The following RLN2 variants were observed in gnomAD, a reference collection of about 807,000 sequenced individuals.
The protein encoded by RLN2 is prorelaxin H2.
A neutral mutation model predicts 7.3 loss-of-function variants in RLN2; 10 were observed. The observed-to-expected ratio is 1.36, with a 90% CI of 0.84 to 2.31. RLN2 has a LOEUF of 2.31. Ranked by LOEUF, RLN2 falls within the 30% of genes most tolerant of loss-of-function variation. The pLI, the probability that RLN2 is intolerant of heterozygous loss-of-function variation, is 0.00. For missense variants in RLN2, 298 were observed against 217.6 expected, an observed-to-expected ratio of 1.37 and a Z score of -2.32; for synonymous variants, 103 against 82.3, an observed-to-expected ratio of 1.25 and a Z score of -1.36.
At chr9:5,301,353 T>C (rs917712881) in intron 1 of RLN2, among the ~76,000 whole-genome samples, 1 of 152,186 alleles carries the variant, frequency 6.6e-6, no homozygotes, top group Non-Finnish European at 1.5e-5. Context: ...TTCAGCTCAG[T>C]TGAACATTCA....
At position 5,300,354 on chromosome 9, in the gene RLN2, G is replaced by T. The variant is rs142508708; in HGVS notation, c.302C>A (p.Thr101Asn). ...TAATGCTGGCTGCATCTCAGACAGGGTTAACTTCAGCTCCTGTGGCAAATT... is the reference window on the plus strand; with the variant it reads ...TAATGCTGGCTGCATCTCAGACAGGTTTAACTTCAGCTCCTGTGGCAAATT... ...VANLPQELKL[T>N]LSEMQPALPQ... Residue 101 changes from threonine (T) to asparagine (N), a missense_variant, in exon 2 of 2, where the codon ACC becomes AAC. Thr to Asn is a moderately conservative substitution (Grantham distance 65). Transcript: ENST00000381627. The T allele has an allele frequency of 3.6e-4, 577 of 1,613,788 alleles. 3 individuals are homozygous for T. The East Asian group carries it at 9.7e-3, about 27-fold the overall frequency.
chr9:5,324,254 CAGAT>C, the RLN2 span, among the ~76,000 whole-genome samples: 25 of 152,074 alleles, frequency 1.6e-4, no homozygotes, highest in South Asian at 2.1e-4. Context: ...TATATAATCA[CAGAT>C]AGATTTTCCA....
chr9:5,300,235 C>A lies in RLN2; in HGVS notation c.421G>T (p.Ala141Ser), dbSNP rs61738985. The A allele has an allele frequency of 1.7e-5, 27 of 1,613,718 alleles. No homozygotes were observed. Among genetic ancestry groups the A allele is most frequent in the African/African-American group, 5.3e-5 (4 of 74,916 alleles). Residue 141 changes from alanine to serine, a missense_variant, in exon 2 of 2, where the codon GCA becomes TCA. Ala to Ser is a moderately conservative substitution (Grantham distance 99). Coordinates refer to ENST00000381627, the MANE Select transcript of RLN2 (RefSeq NM_134441.3). ...KLIRNRQSEA[A>S]DSSPSELKYL... is the part of the protein sequence containing the mutation. ...TTTAATTCTGAAGGACTGCTGTCTG[C>A]GGCTTCACTTTGTCTATTGCGAATA...
At chr9:5,318,753 T>G in the RLN2 span, among the ~76,000 whole-genome samples, 1 of 152,016 alleles carries the variant, frequency 6.6e-6, no homozygotes, top group Non-Finnish European at 1.5e-5. Flanking sequence ...TCTATTTTTT[T>G]TTAAATAAGC....
At chr9:5,336,534 G>A in the RLN2 span, among the ~76,000 whole-genome samples, 2 of 152,006 alleles carry the variant, frequency 1.3e-5, no homozygotes, top group African/African-American at 4.8e-5. Flanking sequence ...CTGTTTTTGT[G>A]TCTCTGGCAC....
At chr9:5,319,845 G>A in the RLN2 span, among the ~76,000 whole-genome samples, 1 of 152,038 alleles carries the variant, frequency 6.6e-6, no homozygotes, top group South Asian at 2.1e-4. Flanking sequence ...TCTTTATGAA[G>A]TCAGAAAATA....
chr9:5,332,836 C>T, the RLN2 span, among the ~76,000 whole-genome samples: 31 of 151,874 alleles, frequency 2.0e-4, no homozygotes, highest in Middle Eastern at 3.4e-3. Context: ...AGGATGGTCT[C>T]GAACTCCTGA....
At chr9:5,332,334 T>A in the RLN2 span, among the ~76,000 whole-genome samples, 55 of 152,068 alleles carry the variant, frequency 3.6e-4, 1 homozygote, top group African/African-American at 1.3e-3. Flanking sequence ...TGTATTACTT[T>A]TTCAATAAAA....
At chr9:5,317,480 G>A in the RLN2 span, among the ~76,000 whole-genome samples, 5 of 149,680 alleles carry the variant, frequency 3.3e-5, no homozygotes, top group Non-Finnish European at 7.4e-5. Context: ...GGGCTACACT[G>A]AGAACGAAGA....
rs768808759 is a variant in RLN2, at chr9:5,300,170, T to A, written c.486A>T (p.Gln162His). 3.7e-6 allele frequency: 6 copies of A among 1,613,564 alleles called. No individual in the cohort carries two copies. Among genetic ancestry groups the A allele is most frequent in the Non-Finnish European group, 5.1e-6 (6 of 1,179,840 alleles). ...ATTTATTAGCCAATGCACTGTAGAG[T>A]TGTCTCTTTTTTCGAGAATGAGTAT... ...GLDTHSRKKR[Q>H]LYSALANKCC... The change falls in exon 2 of 2, where the codon CAA (glutamine) becomes CAT (histidine). Residue 162 changes from glutamine to histidine, a missense_variant. Transcript: ENST00000381627.
the RLN2 span, among the ~76,000 whole-genome samples, chr9:5,336,271 C>G: frequency 6.6e-6 from 1 of 152,050 alleles, no homozygotes; most frequent in African/African-American, 2.4e-5. Context: ...CCAAAAATCA[C>G]TGATTTAAGA....
the RLN2 span, chr9:5,335,299 T>C: frequency 6.2e-7 from 1 of 1,603,494 alleles, no homozygotes; most frequent in Non-Finnish European, 8.5e-7. Flanking sequence ...TTAGGCAACA[T>C]TTCTCAAACA....
At chr9:5,313,452 T>C in the RLN2 span, among the ~76,000 whole-genome samples, 1 of 152,036 alleles carries the variant, frequency 6.6e-6, no homozygotes, top group African/African-American at 2.4e-5. Flanking sequence ...TCAATCTATG[T>C]GTATTCTTAA....
chr9:5,324,817 T>C, the RLN2 span, among the ~76,000 whole-genome samples: 1 of 152,114 alleles, frequency 6.6e-6, no homozygotes, highest in Non-Finnish European at 1.5e-5. Flanking sequence ...ACCAGTATTA[T>C]TCTCTTTGGG....
At chr9:5,310,821 C>T in the RLN2 span, among the ~76,000 whole-genome samples, 1 of 152,034 alleles carries the variant, frequency 6.6e-6, no homozygotes, top group Admixed American at 6.6e-5. Context: ...GAAACATACA[C>T]TAAGATATAT....
the RLN2 span, among the ~76,000 whole-genome samples, chr9:5,333,778 C>G: frequency 6.6e-6 from 1 of 151,968 alleles, no homozygotes; most frequent in Non-Finnish European, 1.5e-5. Flanking sequence ...TCAATAAACA[C>G]TGGCAAGCAA....
the RLN2 span, chr9:5,335,449 C>G: frequency 6.2e-7 from 1 of 1,613,588 alleles, no homozygotes; most frequent in Non-Finnish European, 8.5e-7. Context: ...GATTGGAATC[C>G]TTTAATGCAG....
At chr9:5,328,519 T>C in the RLN2 span, among the ~76,000 whole-genome samples, 2 of 152,030 alleles carry the variant, frequency 1.3e-5, no homozygotes, top group East Asian at 1.9e-4. Context: ...TTCCCTAATC[T>C]AGCAAGGCAG....
the RLN2 span, among the ~76,000 whole-genome samples, chr9:5,324,849 A>C: frequency 5.9e-5 from 9 of 152,196 alleles, no homozygotes; most frequent in East Asian, 7.7e-4. Context: ...AACATAAACA[A>C]AGGTGAAGAC....
Sources: gnomAD v4.1 joint callset for allele counts (sites outside exome capture counted in the v4.1 genomes callset) on GRCh38, gnomAD v4.1.1 for gene constraint, MANE v1.5 for transcripts, NCBI Gene and HGNC (gene_info 2026-07-23, HGNC 2026-07-21) for gene names.